The following GPC3 variants were observed in gnomAD, a reference collection of about 807,000 sequenced individuals.
GPC3 encodes glypican-3.
GPC3 carries 3 observed loss-of-function variants against 34.4 expected under a neutral mutation model. That is an observed-to-expected ratio of 0.09 (90% CI 0.04 to 0.23). The LOEUF is 0.23. Ranked by LOEUF, GPC3 falls within the 10% of genes least tolerant of loss-of-function variation. The probability of loss-of-function intolerance (pLI) is 1.00; values close to 1 mark genes in which losing one functional copy is unlikely to be tolerated. For missense variants in GPC3, 351 were observed against 445.6 expected (o/e 0.79, Z 1.91); for synonymous variants, 177 against 174.0 (o/e 1.02, Z -0.13).
intron 7 of GPC3, among the ~76,000 whole-genome samples, chrX:133,594,543 G>A (rs2069892090): frequency 8.9e-6 from 1 of 112,057 alleles, no homozygotes; most frequent in African/African-American, 3.2e-5. Context: ...GTCTTAAAAA[G>A]AAGGAAATCT....
At chrX:133,761,006 C>T (rs115994778) in intron 2 of GPC3, among the ~76,000 whole-genome samples, 1,162 of 109,697 alleles carry the variant, frequency 0.011, 26 homozygotes, top group African/African-American at 0.037. Context: ...GGAAATTAGC[C>T]CTTGATGGAA....
intron 7 of GPC3, among the ~76,000 whole-genome samples, chrX:133,550,129 C>A (rs752862190): frequency 9.1e-6 from 1 of 109,945 alleles, no homozygotes; most frequent in Non-Finnish European, 1.9e-5. Flanking sequence ...GATTCTCCTG[C>A]CTCAGCCTCC....
At chrX:133,806,391 A>T (rs2075635557) in intron 2 of GPC3, among the ~76,000 whole-genome samples, 1 of 111,662 alleles carries the variant, frequency 9.0e-6, no homozygotes, top group South Asian at 3.8e-4. Flanking sequence ...AAGGTAACAG[A>T]ACAGTGACCA....
intron 6 of GPC3, among the ~76,000 whole-genome samples, chrX:133,636,871 G>A: frequency 9.0e-6 from 1 of 110,680 alleles, no homozygotes; most frequent in East Asian, 2.9e-4. Flanking sequence ...CAGGCTCTCT[G>A]AAAAACTTAC....
At chrX:133,728,497 A>G (rs2071433722) in intron 3 of GPC3, among the ~76,000 whole-genome samples, 1 of 112,425 alleles carries the variant, frequency 8.9e-6, no homozygotes, top group Non-Finnish European at 1.9e-5. Flanking sequence ...CTCTGCTGTC[A>G]CAAAGTGTTG....
At chrX:133,954,017 G>A (rs1450266868) in intron 1 of GPC3, among the ~76,000 whole-genome samples, 1 of 112,415 alleles carries the variant, frequency 8.9e-6, no homozygotes, top group East Asian at 2.8e-4. Context: ...GCATACTACT[G>A]GAGGGACAAA....
chrX:133,805,793 C>T (rs1240750531), intron 2 of GPC3, among the ~76,000 whole-genome samples: 1 of 111,964 alleles, frequency 8.9e-6, no homozygotes, highest in Admixed American at 9.5e-5. Flanking sequence ...TGTATAAATG[C>T]TAGCTATTAT....
chrX:133,700,055 T>C (rs941542090), intron 3 of GPC3, 27 bp from the exon 4 acceptor site: 2 of 1,139,792 alleles, frequency 1.8e-6, no homozygotes, highest in Non-Finnish European at 2.4e-6. Flanking sequence ...AATATAATTA[T>C]ATGATACTTG....
intron 7 of GPC3, among the ~76,000 whole-genome samples, chrX:133,570,233 T>C (rs1489062027): frequency 9.6e-6 from 1 of 104,414 alleles, no homozygotes; most frequent in Non-Finnish European, 2.0e-5. Flanking sequence ...CAGAGTTTCA[T>C]TCTTGTTGCC....
rs181408659 is a variant in GPC3, at chrX:133,556,818, T to C, written c.1574-20525A>G. On this transcript the variant is annotated intron_variant, in intron 7 of 7. Transcript: ENST00000370818. ...GGATAACATTAGGAGATATACCTAATGTAAATGACGAGTTAATGGGTGCAG... is the reference window on the plus strand; with the variant it reads ...GGATAACATTAGGAGATATACCTAACGTAAATGACGAGTTAATGGGTGCAG... Among the ~76,000 whole-genome samples, 467 of 103,823 alleles carry C rather than the reference T, an allele frequency of 4.5e-3. 6 individuals carry two copies. Among genetic ancestry groups the C allele is most frequent in the African/African-American group, 0.015 (441 of 28,551 alleles). The allele number at this position is 103,823 out of a possible 115,157, so 90.2% of individuals were successfully genotyped here. A position where few individuals can be genotyped will look rare whatever the true frequency, so the allele number is the denominator to read the frequency against.
intron 5 of GPC3, among the ~76,000 whole-genome samples, chrX:133,690,639 C>T (rs1168228967): frequency 8.9e-6 from 1 of 111,742 alleles, no homozygotes; most frequent in African/African-American, 3.3e-5. Context: ...CTACCTAGCA[C>T]CTAGCTTGGT....
intron 6 of GPC3, among the ~76,000 whole-genome samples, chrX:133,643,397 T>C (rs1171934332): frequency 8.9e-6 from 1 of 112,026 alleles, no homozygotes; most frequent in Non-Finnish European, 1.9e-5. Context: ...GGAAGAGCTT[T>C]GCTTTGGTCC....
rs148438023 is a variant in GPC3, at chrX:133,651,528, A to G, written c.1413+10202T>C. Among the ~76,000 whole-genome samples the G allele has an allele frequency of 9.8e-5, 11 of 111,771 alleles. No homozygotes were observed. In the East Asian group the frequency reaches 3.1e-3, roughly 32 times the overall value. ...TCATGTTTGTGAATCTACATGTAAT[A>G]CTTCACATTTATCCCCATGGGGATA... On this transcript the variant is annotated intron_variant, in intron 6 of 7. Transcript: ENST00000370818.
At chrX:133,741,992 T>A (rs2071567811) in intron 3 of GPC3, among the ~76,000 whole-genome samples, 1 of 112,735 alleles carries the variant, frequency 8.9e-6, no homozygotes, top group African/African-American at 3.2e-5. Context: ...TGCATCACAG[T>A]GACTGAGATC....
intron 1 of GPC3, among the ~76,000 whole-genome samples, chrX:133,982,117 T>C (rs996204447): frequency 8.9e-6 from 1 of 112,583 alleles, no homozygotes; most frequent in African/African-American, 3.2e-5. Context: ...ATTGGAAACA[T>C]CATTGTCTGA....
chrX:133,761,194 T>C (rs1444798182), intron 2 of GPC3, among the ~76,000 whole-genome samples: 1 of 111,657 alleles, frequency 9.0e-6, no homozygotes, highest in Non-Finnish European at 1.9e-5. Context: ...AACAGCCAAA[T>C]AGGTAACACA....
chrX:133,954,340 C>T (rs1027340071), intron 1 of GPC3, among the ~76,000 whole-genome samples: 15 of 112,049 alleles, frequency 1.3e-4, no homozygotes, highest in African/African-American at 4.9e-4. Flanking sequence ...AATTATGCCT[C>T]AATAAAGGTG....
intron 5 of GPC3, among the ~76,000 whole-genome samples, chrX:133,683,129 A>G (rs978117874): frequency 2.7e-5 from 3 of 111,078 alleles, no homozygotes; most frequent in Non-Finnish European, 5.7e-5. Context: ...AACAACTTGT[A>G]GACGGCAGGG....
intron 5 of GPC3, among the ~76,000 whole-genome samples, chrX:133,688,708 C>T (rs1028939148): frequency 9.0e-6 from 1 of 111,354 alleles, no homozygotes; most frequent in Non-Finnish European, 1.9e-5. Context: ...CACAGGCACA[C>T]AAACTTGACC....
Sources: gnomAD v4.1 joint callset for allele counts (sites outside exome capture counted in the v4.1 genomes callset) on GRCh38, gnomAD v4.1.1 for gene constraint, MANE v1.5 for transcripts, NCBI Gene and HGNC (gene_info 2026-07-23, HGNC 2026-07-21) for gene names.